The following DIS3L2 variants were observed in gnomAD, a reference collection of about 807,000 sequenced individuals.
The protein encoded by DIS3L2 is DIS3 like 3'-5' exoribonuclease 2.
A neutral mutation model predicts 97.5 loss-of-function variants in DIS3L2; 34 were observed. The observed-to-expected ratio is 0.35, with a 90% CI of 0.27 to 0.46. The LOEUF is 0.46. Among genes scored for constraint, DIS3L2 ranks in the 20% least tolerant of loss-of-function variants. The pLI, the probability that DIS3L2 is intolerant of heterozygous loss-of-function variation, is 1.00. For synonymous variants in DIS3L2, 435 were observed against 445.2 expected, an observed-to-expected ratio of 0.98 and a Z score of 0.29; for missense variants, 1,038 against 1,146.0, an observed-to-expected ratio of 0.91 and a Z score of 1.36.
chr2:232,113,210 C>T (rs1462090682), intron 6 of DIS3L2, among the ~76,000 whole-genome samples: 1 of 152,176 alleles, frequency 6.6e-6, no homozygotes, highest in South Asian at 2.1e-4. Flanking sequence ...CTATAATACA[C>T]CTGTTCCTAG....
intron 5 of DIS3L2, among the ~76,000 whole-genome samples, chr2:232,035,321 C>G (rs1015343444): frequency 1.3e-4 from 19 of 151,980 alleles, no homozygotes; most frequent in Non-Finnish European, 2.6e-4. Context: ...GGATTGCATC[C>G]CCTGCTTTTT....
rs1388847659 is a variant in DIS3L2 at position 232,000,668 on chromosome 2, C to CCTTTCCTTTCCTTTCCTTTCCTT, written c.-93-14167_-93-14166insCTTTCCTTTCCTTTCCTTTCCTT. Among the ~76,000 whole-genome samples, 8 of 106,096 alleles carry CCTTTCCTTTCCTTTCCTTTCCTT rather than the reference C, an allele frequency of 7.5e-5. No individual in the cohort carries two copies. The East Asian group carries it at 1.2e-3, about 16-fold the overall frequency. 69.6% of individuals were successfully genotyped at this position (106,096 alleles called of 152,430 possible). ...CTTTCCTTTCCTTTCCTTTCTCTTTCTCTCTTTCTCTCTTTCTGTCTTTCT... is the reference window on the plus strand; with the variant it reads ...CTTTCCTTTCCTTTCCTTTCTCTTTCCTTTCCTTTCCTTTCCTTTCCTTTCTCTTTCTCTCTTTCTGTCTTTCT... On this transcript the variant is annotated intron_variant, in intron 1 of 20. Coordinates refer to ENST00000325385, the MANE Select transcript of DIS3L2 (RefSeq NM_152383.5).
chr2:232,129,488 A>G lies in DIS3L2; in HGVS notation c.602-1131A>G, dbSNP rs1490133766. 2.0e-5 allele frequency among the ~76,000 whole-genome samples: 3 copies of G among 152,252 alleles called. No individual in the cohort carries two copies. In the East Asian group the frequency reaches 5.8e-4, roughly 29 times the overall value. On this transcript the variant is annotated intron_variant, in intron 6 of 20. Coordinates refer to ENST00000325385, the MANE Select transcript of DIS3L2 (RefSeq NM_152383.5). The stretch of plus-strand genomic sequence containing the variant: ...GTCCTCTTTCACTGATAGAGAGGGC[A>G]ATCTACGATAGGAAAGTTTGTGTTT...
chr2:232,326,620 C>G (rs1695585282), intron 14 of DIS3L2, among the ~76,000 whole-genome samples: 1 of 150,116 alleles, frequency 6.7e-6, no homozygotes. Context: ...AAGGCTGCAC[C>G]TGGGAAGTGG....
intron 13 of DIS3L2, among the ~76,000 whole-genome samples, chr2:232,298,042 C>T (rs1254705359): frequency 6.6e-6 from 1 of 152,196 alleles, no homozygotes; most frequent in African/African-American, 2.4e-5. Context: ...ACATAGTCTT[C>T]ATGGTACACT....
In DIS3L2 at chr2:232,034,020, A is replaced by G. The variant is rs529305506; in HGVS notation, c.366+3940A>G. Among the ~76,000 whole-genome samples the G allele has an allele frequency of 2.5e-4, 38 of 152,050 alleles. 1 individual carries two copies. The South Asian group carries it at 7.7e-3, about 31-fold the overall frequency. ...GGAGGAGTCTCTCTTTTTCTGTTGT[A>G]TGGAATACTTTCAGAAGGAATGATA... On this transcript the variant is annotated intron_variant, in intron 5 of 20. Coordinates refer to ENST00000325385, the MANE Select transcript of DIS3L2 (RefSeq NM_152383.5).
chr2:232,245,919 A>G (rs1008785089), intron 11 of DIS3L2, among the ~76,000 whole-genome samples: 1 of 152,234 alleles, frequency 6.6e-6, no homozygotes, highest in Non-Finnish European at 1.5e-5. Context: ...AGTATATTTC[A>G]TAAAATGTTT....
Position 232,337,055 on chromosome 2 carries a change from C to T in DIS3L2, c.*425C>T. On this transcript the variant is annotated 3_prime_UTR_variant, in exon 21 of 21. Coordinates refer to ENST00000325385, the MANE Select transcript of DIS3L2 (RefSeq NM_152383.5). Reference sequence around the variant, plus strand: ...CCCAGGGCAAGGGACCCAGTTCAGGCTTCACCCCTCGCTGCTGAGCCGATG... The same window carrying T: ...CCCAGGGCAAGGGACCCAGTTCAGGTTTCACCCCTCGCTGCTGAGCCGATG... 9.5e-7 allele frequency: 1 copy of T among 1,053,438 alleles called. No individual in the cohort carries two copies. The highest frequency in any genetic ancestry group is 3.1e-5 in the South Asian group (1 of 32,102). The allele number at this position is 1,053,438 out of a possible 1,614,324, so 65.3% of individuals were successfully genotyped here.
At chr2:232,076,050 T>G (rs971295992) in intron 5 of DIS3L2, among the ~76,000 whole-genome samples, 1 of 152,248 alleles carries the variant, frequency 6.6e-6, no homozygotes, top group Non-Finnish European at 1.5e-5. Context: ...GTTTGTGCTC[T>G]GAATCACTCC....
chr2:232,314,950 A>C (rs1402286258), intron 14 of DIS3L2, among the ~76,000 whole-genome samples: 1 of 152,176 alleles, frequency 6.6e-6, no homozygotes, highest in Admixed American at 6.5e-5. Flanking sequence ...AAGGTCCTGG[A>C]ATGACTCGTT....
intron 8 of DIS3L2, among the ~76,000 whole-genome samples, chr2:232,149,537 T>C (rs1690337860): frequency 6.7e-6 from 1 of 149,726 alleles, no homozygotes; most frequent in African/African-American, 2.5e-5. Flanking sequence ...TCATCATTTT[T>C]ATGGCTGCAT....
intron 16 of DIS3L2, among the ~76,000 whole-genome samples, chr2:232,333,242 T>TCCTCCTCCTCCGCTGTCG (rs1559218666): frequency 1.6e-5 from 1 of 63,856 alleles, no homozygotes; most frequent in African/African-American, 6.6e-5. Flanking sequence ...CTCCTCCTCC[T>TCCTCCTCCTCCGCTGTCG]CCTCCTCCTC....
chr2:232,340,751 C>T (rs575894384), downstream of DIS3L2: 399 of 471,106 alleles, frequency 8.5e-4, 8 homozygotes, highest in South Asian at 3.4e-3. Context: ...CTCAGAGATT[C>T]CTCAACTCGG....
chr2:232,318,567 A>G (rs11678040), intron 14 of DIS3L2, among the ~76,000 whole-genome samples: 11,735 of 152,228 alleles, frequency 0.077, 961 homozygotes, highest in East Asian at 0.42. Flanking sequence ...AGGTGAACAA[A>G]GGATGCAGGG....
intron 6 of DIS3L2, among the ~76,000 whole-genome samples, chr2:232,127,767 G>A (rs1387606382): frequency 1.3e-5 from 2 of 152,150 alleles, no homozygotes; most frequent in African/African-American, 4.8e-5. Flanking sequence ...TTGATTGTGT[G>A]AAGAACTTCC....
intron 1 of DIS3L2, among the ~76,000 whole-genome samples, chr2:231,966,291 C>T (rs1692712128): frequency 1.3e-5 from 2 of 151,772 alleles, no homozygotes; most frequent in African/African-American, 4.8e-5. Flanking sequence ...GCCTCAGCCT[C>T]GTGAGTAGCT....
chr2:232,013,945 G>C (rs796882868), intron 1 of DIS3L2, among the ~76,000 whole-genome samples: 8 of 152,330 alleles, frequency 5.3e-5, no homozygotes, highest in African/African-American at 1.9e-4. Flanking sequence ...TTTTGGTGAA[G>C]GACGTGTGTG....
chr2:232,053,581 CTAT>C (rs1385881798), intron 5 of DIS3L2, among the ~76,000 whole-genome samples: 1 of 152,182 alleles, frequency 6.6e-6, no homozygotes, highest in African/African-American at 2.4e-5. Flanking sequence ...TTCTGACTGG[CTAT>C]TATTTGGGGA....
intron 14 of DIS3L2, 28 bp from the exon 15 acceptor site, chr2:232,329,785 T>TGCCGGGGGGGGGG: frequency 8.4e-5 from 81 of 967,108 alleles, no homozygotes; most frequent in Non-Finnish European, 1.1e-4. Context: ...ACCCCAGCGG[T>TGCCGGGGGGGGGG]CCCTCCCATC....
Sources: allele counts gnomAD v4.1 joint callset (sites outside exome capture counted in the v4.1 genomes callset), GRCh38; gene constraint gnomAD v4.1.1; transcripts MANE v1.5; gene names NCBI Gene and HGNC (gene_info 2026-07-23, HGNC 2026-07-21).